ARHGAP31: variants seen among roughly 807,000 people sequenced by gnomAD.
ARHGAP31 encodes Rho GTPase activating protein 31, also known as rho GTPase-activating protein 31.
Under a neutral mutation model 113.9 loss-of-function variants are expected in ARHGAP31, and 34 were observed. That is an observed-to-expected ratio of 0.30 (90% CI 0.23 to 0.40). The LOEUF is 0.40. Among genes scored for constraint, ARHGAP31 ranks in the 10% least tolerant of loss-of-function variants. The pLI is 1.00. For synonymous variants in ARHGAP31, 650 were observed against 684.8 expected, an observed-to-expected ratio of 0.95 and a Z score of 0.79; for missense variants, 1,548 against 1,767.1, an observed-to-expected ratio of 0.88 and a Z score of 2.22.
At chr3:119,393,954 C>T (rs1266361333) in intron 8 of ARHGAP31, among the ~76,000 whole-genome samples, 11 of 152,164 alleles carry the variant, frequency 7.2e-5, no homozygotes, top group African/African-American at 1.9e-4. Flanking sequence ...CAGGATCTCA[C>T]GCTACATTTG....
chr3:119,375,495 C>A (rs1169245053), intron 3 of ARHGAP31, among the ~76,000 whole-genome samples: 2 of 152,204 alleles, frequency 1.3e-5, no homozygotes, highest in African/African-American at 4.8e-5. Context: ...ATAATGTCCC[C>A]ACTCGACATC....
At chr3:119,372,682 AT>A (rs1379737645) in intron 3 of ARHGAP31, among the ~76,000 whole-genome samples, 8 of 152,242 alleles carry the variant, frequency 5.3e-5, no homozygotes, top group African/African-American at 1.4e-4. Context: ...AATAATGATA[AT>A]AGCTGTCAAT....
In ARHGAP31 at chr3:119,417,278, A is replaced by G. The variant is rs575064247; in HGVS notation, c.*1014A>G. 2.6e-5 allele frequency: 4 copies of G among 152,264 alleles called. No individual in the cohort carries two copies. The highest frequency in any genetic ancestry group is 2.1e-4 in the South Asian group (1 of 4,812). The allele number at this position is 152,264 out of a possible 1,614,324, so 9.4% of individuals were successfully genotyped here. A position where few individuals can be genotyped will look rare whatever the true frequency, so the allele number is the denominator to read the frequency against. On this transcript the variant is annotated 3_prime_UTR_variant, in exon 12 of 12. Transcript: ENST00000264245. The stretch of plus-strand genomic sequence containing the variant: ...TAGCTCAGCTTTACTCTTCTTCCAC[A>G]CTAGGCTGGGCCCAGCAATACAGGA...
intron 1 of ARHGAP31, among the ~76,000 whole-genome samples, chr3:119,322,974 C>T (rs527389861): frequency 1.2e-3 from 187 of 152,342 alleles, no homozygotes; most frequent in African/African-American, 4.2e-3. Context: ...AGGGAACGGA[C>T]TCGTTTCTGC....
At chr3:119,342,747 C>T (rs750757589) in intron 1 of ARHGAP31, among the ~76,000 whole-genome samples, 15 of 152,154 alleles carry the variant, frequency 9.9e-5, no homozygotes, top group African/African-American at 3.4e-4. Flanking sequence ...GTTGGGAGTT[C>T]GAGACCAGCC....
chr3:119,416,479 G>A lies in ARHGAP31; in HGVS notation c.*215G>A, dbSNP rs1414631758. 4 of 636,026 alleles carry A rather than the reference G, an allele frequency of 6.3e-6. No homozygotes were observed. Among genetic ancestry groups the A allele is most frequent in the Admixed American group, 2.6e-5 (1 of 38,372 alleles). The allele number at this position is 636,026 out of a possible 1,614,324, so 39.4% of individuals were successfully genotyped here. A position where few individuals can be genotyped will look rare whatever the true frequency, so the allele number is the denominator to read the frequency against. On this transcript the variant is annotated 3_prime_UTR_variant, in exon 12 of 12. Transcript: ENST00000264245. The stretch of plus-strand genomic sequence containing the variant: ...AGAGATGAAATTTAGTTAAGTCTAT[G>A]TGAGCAAGTGAGAGAAGGTTAGGTA...
At chr3:119,314,463 T>G (rs987814905) in intron 1 of ARHGAP31, 3 of 152,360 alleles carry the variant, frequency 2.0e-5, no homozygotes, top group Admixed American at 2.0e-4. Context: ...TCTTCTGGTG[T>G]TCATTATTTT....
At chr3:119,343,076 A>T (rs1356991809) in intron 1 of ARHGAP31, among the ~76,000 whole-genome samples, 1 of 152,260 alleles carries the variant, frequency 6.6e-6, no homozygotes, top group African/African-American at 2.4e-5. Context: ...ACATGTCAGA[A>T]CAAATCATTC....
rs2080799520 is a variant in ARHGAP31 at position 119,418,734 on chromosome 3, G to T, written c.*2470G>T. On this transcript the variant is annotated 3_prime_UTR_variant, in exon 12 of 12. Coordinates refer to ENST00000264245, the MANE Select transcript of ARHGAP31 (RefSeq NM_020754.4). ...TCTGACATTTATAGCATCACCTTCA[G>T]GAACACAGTTCTGGGGATGTCATCA... 1 of 152,272 alleles carries T rather than the reference G, an allele frequency of 6.6e-6. No homozygotes were observed. Among genetic ancestry groups the T allele is most frequent in the Admixed American group, 6.5e-5 (1 of 15,302 alleles). The allele number at this position is 152,272 out of a possible 1,614,324, so 9.4% of individuals were successfully genotyped here.
chr3:119,331,134 T>C (rs2079888177), intron 1 of ARHGAP31, among the ~76,000 whole-genome samples: 1 of 152,168 alleles, frequency 6.6e-6, no homozygotes, highest in Non-Finnish European at 1.5e-5. Context: ...CTGCCCTTGG[T>C]CAAATGAGTT....
intron 1 of ARHGAP31, among the ~76,000 whole-genome samples, chr3:119,342,737 G>T (rs2080020271): frequency 6.6e-6 from 1 of 152,180 alleles, no homozygotes; most frequent in African/African-American, 2.4e-5. Context: ...ATCACCTGAG[G>T]TTGGGAGTTC....
At chr3:119,400,713 C>A (rs1302210764) in intron 9 of ARHGAP31, among the ~76,000 whole-genome samples, 1 of 152,154 alleles carries the variant, frequency 6.6e-6, no homozygotes, top group Non-Finnish European at 1.5e-5. Context: ...CACTTCCTTA[C>A]AGGGTGGTCA....
At chr3:119,358,559 A>G (rs1308540688) in intron 1 of ARHGAP31, among the ~76,000 whole-genome samples, 1 of 152,240 alleles carries the variant, frequency 6.6e-6, no homozygotes, top group Non-Finnish European at 1.5e-5. Flanking sequence ...GGTTCATAGC[A>G]ACAATATTCC....
intron 1 of ARHGAP31, among the ~76,000 whole-genome samples, chr3:119,321,864 G>C (rs1325138986): frequency 6.6e-6 from 1 of 152,116 alleles, no homozygotes; most frequent in Non-Finnish European, 1.5e-5. Context: ...TGTTGGCCAG[G>C]CTGGTCTTGA....
rs2080781796 is a variant in ARHGAP31 at position 119,416,608 on chromosome 3, CCTTTGAAAGAAAGAAGTAATGTT to C, written c.*360_*382del. The C allele has an allele frequency of 2.4e-5, 8 of 331,188 alleles. No individual in the cohort carries two copies. Among genetic ancestry groups the C allele is most frequent in the Non-Finnish European group, 3.4e-5 (6 of 174,060 alleles). 20.5% of individuals were successfully genotyped at this position (331,188 alleles called of 1,614,324 possible). Reference sequence around the variant, plus strand: ...TCTATTACTCTTGAGAGCTGGCTGTCCTTTGAAAGAAAGAAGTAATGTTCTTTGAAAGAAAGAAAAATCTCTTG... The same window carrying C: ...TCTATTACTCTTGAGAGCTGGCTGTCCTTTGAAAGAAAGAAAAATCTCTTG... On this transcript the variant is annotated 3_prime_UTR_variant, in exon 12 of 12. Transcript: ENST00000264245.
chr3:119,409,348 TAA>T, intron 10 of ARHGAP31, 146 bp from the exon 11 acceptor site: 1 of 929,158 alleles, frequency 1.1e-6, no homozygotes, highest in Non-Finnish European at 1.7e-6. Flanking sequence ...ATTGCTAGGA[TAA>T]AAGAGTAAAT....
chr3:119,380,870 C>A, intron 3 of ARHGAP31, 34 bp from the exon 4 acceptor site: 1 of 1,594,844 alleles, frequency 6.3e-7, no homozygotes, highest in Middle Eastern at 1.7e-4. Flanking sequence ...TGCTCTCAAG[C>A]ACTCACCAGG....
rs371039519 is a variant in ARHGAP31, at chr3:119,412,975, G to A, written c.1927-881G>A. On this transcript the variant is annotated intron_variant, in intron 11 of 11. Transcript: ENST00000264245. ...GGAGGCTGCAGTGAGCTGAGATCAC[G>A]CCACTGCACTCCATCCAGGGCAATA... Among the ~76,000 whole-genome samples, 12 of 147,364 alleles carry A rather than the reference G, an allele frequency of 8.1e-5. No homozygotes were observed. The South Asian group carries it at 8.8e-4, about 11-fold the overall frequency.
intron 1 of ARHGAP31, among the ~76,000 whole-genome samples, chr3:119,308,829 T>C (rs1318396717): frequency 6.6e-6 from 1 of 152,086 alleles, no homozygotes; most frequent in Admixed American, 6.5e-5. Flanking sequence ...ATGTGGTCAT[T>C]ATATGATTTT....
Sources: allele counts gnomAD v4.1 joint callset (sites outside exome capture counted in the v4.1 genomes callset), GRCh38; gene constraint gnomAD v4.1.1; transcripts MANE v1.5; gene names NCBI Gene and HGNC (gene_info 2026-07-23, HGNC 2026-07-21).